Variants in CCDC57 observed in about 807,000 individuals in gnomAD.
CCDC57 encodes the protein coiled-coil domain-containing protein 57.
Under a neutral mutation model 118.9 loss-of-function variants are expected in CCDC57, and 118 were observed. The ratio of observed to expected loss-of-function variants is 0.99; its 90% CI spans 0.86 to 1.16. CCDC57 has a LOEUF of 1.16. Ranked by LOEUF, CCDC57 falls within the 50% of genes most tolerant of loss-of-function variation. The probability of loss-of-function intolerance (pLI) is 0.00; values close to 1 mark genes in which losing one functional copy is unlikely to be tolerated. For synonymous variants in CCDC57, 527 were observed against 532.9 expected, an observed-to-expected ratio of 0.99 and a Z score of 0.15; for missense variants, 1,300 against 1,320.7, an observed-to-expected ratio of 0.98 and a Z score of 0.24.
At position 82,172,325 on chromosome 17, in the gene CCDC57, C is replaced by A. The variant is rs2146269420; in HGVS notation, c.1729+313G>T. ...GAGGTCCACCAGCCCCTGCTACCAA[C>A]CCATTCTGGGACAGCGCGACAGCAA... On this transcript the variant is annotated intron_variant, in intron 12 of 19. Transcript: ENST00000665763. The surrounding 1 kb of genome is among the most constrained non-coding windows in gnomAD (Gnocchi z 5.2). Among the ~76,000 whole-genome samples, 1 of 152,370 alleles carries A rather than the reference C, an allele frequency of 6.6e-6. No individual in the cohort carries two copies. The highest frequency in any genetic ancestry group is 2.1e-4 in the South Asian group (1 of 4,830).
In CCDC57 at chr17:82,172,577, GTCC is replaced by G; in HGVS notation, c.1729+58_1729+60del. The G allele has an allele frequency of 7.0e-7, 1 of 1,422,842 alleles. No homozygotes were observed. 88.1% of individuals were successfully genotyped at this position (1,422,842 alleles called of 1,614,324 possible). On this transcript the variant is annotated intron_variant, in intron 12 of 19. Transcript: ENST00000665763. The surrounding 1 kb of genome is among the most constrained non-coding windows in gnomAD (Gnocchi z 5.2). The stretch of plus-strand genomic sequence containing the variant: ...CCAGTCAAGACCCATGCTCCCGTCT[GTCC>G]TCCTCCCTCCCTCTCCCCCTTCCTC...
intron 17 of CCDC57, among the ~76,000 whole-genome samples, chr17:82,131,492 A>G (rs1312721047): frequency 6.6e-6 from 1 of 152,068 alleles, no homozygotes; most frequent in Non-Finnish European, 1.5e-5. Context: ...CTGTAATCCC[A>G]GCATTTGGGA....
At chr17:82,120,431 GA>G (rs2036522562) in intron 19 of CCDC57, among the ~76,000 whole-genome samples, 1 of 152,226 alleles carries the variant, frequency 6.6e-6, no homozygotes, top group Non-Finnish European at 1.5e-5. Flanking sequence ...TCTGGCGAGC[GA>G]CTGCCGAGCT....
intron 16 of CCDC57, among the ~76,000 whole-genome samples, chr17:82,136,367 C>A (rs548268111): frequency 6.6e-6 from 1 of 152,054 alleles, no homozygotes; most frequent in African/African-American, 2.4e-5. Flanking sequence ...TGAAGTGAAA[C>A]GTCCAGAACA....
chr17:82,113,733 GACCAGCCTGGGTGACAT>G, intron 19 of CCDC57: 3 of 704,386 alleles, frequency 4.3e-6, no homozygotes, highest in Non-Finnish European at 7.8e-6. Flanking sequence ...AGGAGTTCGA[GACCAGCCTGGGTGACAT>G]AGTGAGACCC....
At chr17:82,205,115 TGTGCAC>T in intron 2 of CCDC57, among the ~76,000 whole-genome samples, 1 of 119,652 alleles carries the variant, frequency 8.4e-6, no homozygotes, top group Admixed American at 9.1e-5. Flanking sequence ...TGCACACACC[TGTGCAC>T]ACACAGGGAA....
chr17:82,128,607 G>A lies in CCDC57; in HGVS notation c.2578-10C>T, dbSNP rs1448378521. 1 of 1,551,944 alleles carries A rather than the reference G, an allele frequency of 6.4e-7. No homozygotes were observed. The highest frequency in any genetic ancestry group is 2.4e-5 in the East Asian group (1 of 41,378). ...CGGCACTCTTGGCGTCCTGCCGTGG[G>A]GATTTAAATGAGAGGACTCTGGTAT... is the stretch of plus-strand genomic sequence containing the variant. On this transcript the variant is annotated splice_polypyrimidine_tract_variant and intron_variant, in intron 17 of 19. Coordinates refer to ENST00000665763, the Ensembl canonical transcript of CCDC57.
In CCDC57 at chr17:82,162,493, G is replaced by A. The variant is rs144922737; in HGVS notation, c.2040+707C>T. Among the ~76,000 whole-genome samples, 353 of 152,020 alleles carry A rather than the reference G, an allele frequency of 2.3e-3. 3 individuals are homozygous for A. Among genetic ancestry groups the A allele is most frequent in the African/African-American group, 8.1e-3 (333 of 41,264 alleles). ...GAGGTTGAAAAGAACAGCGCTTGCC[G>A]GGGCCCTAGTATCTCAGATGAAGTG... On this transcript the variant is annotated intron_variant, in intron 14 of 19. Coordinates refer to ENST00000665763, the Ensembl canonical transcript of CCDC57.
At chr17:82,133,431 CAAAA>C (rs71166189) in intron 17 of CCDC57, among the ~76,000 whole-genome samples, 5 of 38,398 alleles carry the variant, frequency 1.3e-4, no homozygotes, top group African/African-American at 5.2e-4. Flanking sequence ...GGCCCTGTCT[CAAAA>C]AAAAAAAAAA....
intron 19 of CCDC57, among the ~76,000 whole-genome samples, chr17:82,121,738 C>A (rs2036714503): frequency 6.6e-6 from 1 of 152,230 alleles, no homozygotes; most frequent in Non-Finnish European, 1.5e-5. Context: ...TGCCATGGGG[C>A]CGTGCATGCC....
chr17:82,151,943 G>A (rs1365254939), intron 15 of CCDC57, 170 bp from the exon 15 acceptor site: 1 of 607,556 alleles, frequency 1.6e-6, no homozygotes, highest in Admixed American at 3.0e-5. Context: ...TGCTCCCAGT[G>A]CTTCAGTGGG....
chr17:82,201,379 C>G (rs11657413), intron 3 of CCDC57, among the ~76,000 whole-genome samples, 159 bp downstream of exon 2: 1,526 of 152,368 alleles, frequency 0.01, 12 homozygotes, highest in Non-Finnish European at 0.017. Context: ...GGCCACGAGG[C>G]ACTCGGCCAC....
intron 16 of CCDC57, among the ~76,000 whole-genome samples, chr17:82,136,006 G>C (rs944997397): frequency 6.6e-6 from 1 of 152,226 alleles, no homozygotes; most frequent in Non-Finnish European, 1.5e-5. Flanking sequence ...TGCTGGTGCA[G>C]ATGTGGAGAA....
intron 8 of CCDC57, 99 bp from the exon 8 acceptor site, chr17:82,184,031 G>GCGCTCACACACACACACA: frequency 1.6e-5 from 2 of 128,352 alleles, no homozygotes; most frequent in East Asian, 2.0e-4. Context: ...GCGCGCGCGC[G>GCGCTCACACACACACACA]CACACACACA....
rs141243160 is a variant in CCDC57 at position 82,190,516 on chromosome 17, C to T, written c.852-2097G>A. ...TTTGAGACCAGCCTGGCCAGCATGGCAAACTCCATCTCTGCTAAAAATACA... is the reference window on the plus strand; with the variant it reads ...TTTGAGACCAGCCTGGCCAGCATGGTAAACTCCATCTCTGCTAAAAATACA... On this transcript the variant is annotated intron_variant, in intron 7 of 19. Transcript: ENST00000665763. Among the ~76,000 whole-genome samples, 510 of 151,968 alleles carry T rather than the reference C, an allele frequency of 3.4e-3. 11 individuals carry two copies. Among genetic ancestry groups the T allele is most frequent in the Admixed American group, 0.02 (303 of 15,244 alleles).
At chr17:82,140,239 C>T (rs1431517925) in intron 16 of CCDC57, among the ~76,000 whole-genome samples, 4 of 152,202 alleles carry the variant, frequency 2.6e-5, no homozygotes, top group Admixed American at 2.6e-4. Flanking sequence ...ATGCCCGCCA[C>T]CACGCCCAGC....
At chr17:82,193,586 A>G (rs1027210636) in intron 7 of CCDC57, among the ~76,000 whole-genome samples, 170 bp downstream of exon 6, 8 of 151,892 alleles carry the variant, frequency 5.3e-5, no homozygotes, top group Admixed American at 5.2e-4. Context: ...CAAGCAAGCA[A>G]GAAAGAAAGG....
chr17:82,108,362 C>T (rs1369881233), intron 19 of CCDC57, among the ~76,000 whole-genome samples: 2 of 152,166 alleles, frequency 1.3e-5, no homozygotes, highest in East Asian at 3.8e-4. Flanking sequence ...GAAGGAGTCC[C>T]CCAGCCCCTC....
chr17:82,132,939 T>C (rs1323156738), intron 17 of CCDC57, among the ~76,000 whole-genome samples: 2 of 152,076 alleles, frequency 1.3e-5, no homozygotes, highest in Non-Finnish European at 2.9e-5. Context: ...TTTGTATTTT[T>C]AGTAGAGACG....
Sources: allele counts gnomAD v4.1 joint callset (sites outside exome capture counted in the v4.1 genomes callset), GRCh38; gene constraint gnomAD v4.1.1; non-coding constraint Gnocchi (gnomAD v3.1); transcripts MANE v1.5; gene names NCBI Gene and HGNC (gene_info 2026-07-23, HGNC 2026-07-21).